Variants in LY86 observed in about 807,000 individuals in gnomAD.
The protein encoded by LY86 is lymphocyte antigen 86, also known as MD-1, RP105-associated.
Under a neutral mutation model 17.3 loss-of-function variants are expected in LY86, and 20 were observed. The ratio of observed to expected loss-of-function variants is 1.15; its 90% CI spans 0.81 to 1.68. The LOEUF (loss-of-function observed/expected upper bound fraction) is 1.68. Among genes scored for constraint, LY86 ranks in the 40% most tolerant of loss-of-function variants. The pLI is 0.00. For missense variants in LY86, 200 were observed against 191.9 expected, an observed-to-expected ratio of 1.04 and a Z score of -0.25; for synonymous variants, 74 against 70.6, an observed-to-expected ratio of 1.05 and a Z score of -0.24.
intron 1 of LY86, among the ~76,000 whole-genome samples, chr6:6,591,993 C>A (rs918437370): frequency 1.2e-4 from 18 of 152,176 alleles, no homozygotes; most frequent in Non-Finnish European, 2.4e-4. Flanking sequence ...GGGCTGCCTC[C>A]CTTTGGCCAG....
intron 3 of LY86, 136 bp from the exon 4 acceptor site, chr6:6,649,488 TG>T: frequency 8.4e-6 from 4 of 475,878 alleles, no homozygotes; most frequent in South Asian, 8.1e-5. Flanking sequence ...GATCAGGAAA[TG>T]AAAACATTTC....
chr6:6,644,512 C>CA lies in LY86; in HGVS notation c.353-5102dup, dbSNP rs879696346. ...TGGGTGACAGAGCCAGACCCTGTTT[C>CA]AAAAAAAAAAAGGAAGACACAGGCC... On this transcript the variant is annotated intron_variant, in intron 3 of 4. Coordinates refer to ENST00000230568, the MANE Select transcript of LY86 (RefSeq NM_004271.4). Among the ~76,000 whole-genome samples, 294 of 142,024 alleles carry CA rather than the reference C, an allele frequency of 2.1e-3. 1 individual carries two copies. Among genetic ancestry groups the CA allele is most frequent in the African/African-American group, 6.6e-3 (256 of 38,786 alleles). 93.2% of individuals were successfully genotyped at this position (142,024 alleles called of 152,430 possible). A position where few individuals can be genotyped will look rare whatever the true frequency, so the allele number is the denominator to read the frequency against.
At chr6:6,637,617 C>A (rs1028479604) in intron 3 of LY86, among the ~76,000 whole-genome samples, 1 of 152,186 alleles carries the variant, frequency 6.6e-6, no homozygotes, top group Admixed American at 6.5e-5. Context: ...ACGACTCCCC[C>A]ACATCACCCA....
chr6:6,637,125 G>C lies in LY86; in HGVS notation c.352+10704G>C, dbSNP rs185444425. Among the ~76,000 whole-genome samples the C allele has an allele frequency of 6.0e-3, 899 of 150,352 alleles. 5 individuals are homozygous for C. Among genetic ancestry groups the C allele is most frequent in the Non-Finnish European group, 0.01 (681 of 67,790 alleles). On this transcript the variant is annotated intron_variant, in intron 3 of 4. Coordinates refer to ENST00000230568, the MANE Select transcript of LY86 (RefSeq NM_004271.4). Reference sequence around the variant, plus strand: ...CCTCCCAGGTTCATGCCATTCTCCTGCCTTAGCCTCCCGAGGAGCTGGGAC... The same window carrying C: ...CCTCCCAGGTTCATGCCATTCTCCTCCCTTAGCCTCCCGAGGAGCTGGGAC...
chr6:6,605,654 T>TA (rs1210717525), intron 1 of LY86, among the ~76,000 whole-genome samples: 10 of 152,272 alleles, frequency 6.6e-5, no homozygotes, highest in Non-Finnish European at 1.2e-4. Context: ...TATGTTCTAC[T>TA]GTGTCTGGAA....
chr6:6,603,083 G>A (rs761264281), intron 1 of LY86, among the ~76,000 whole-genome samples: 3 of 151,766 alleles, frequency 2.0e-5, no homozygotes, highest in South Asian at 4.2e-4. Flanking sequence ...TGGTCCTCCC[G>A]ACTCTGTCCT....
intron 1 of LY86, among the ~76,000 whole-genome samples, chr6:6,612,442 C>T (rs531821157): frequency 1.9e-3 from 293 of 152,300 alleles, no homozygotes; most frequent in Middle Eastern, 3.4e-3. Context: ...CGCAAACCTT[C>T]ATGGGGAGTG....
At chr6:6,598,267 C>G (rs1760781443) in intron 1 of LY86, among the ~76,000 whole-genome samples, 1 of 152,134 alleles carries the variant, frequency 6.6e-6, no homozygotes, top group Admixed American at 6.5e-5. Flanking sequence ...AGACAAAGCA[C>G]AAATTATCAC....
intron 1 of LY86, among the ~76,000 whole-genome samples, chr6:6,613,767 A>G (rs1408111822): frequency 1.3e-5 from 2 of 152,210 alleles, no homozygotes; most frequent in Non-Finnish European, 2.9e-5. Flanking sequence ...AGGCCCCAAG[A>G]GCGAGCGAGG....
intron 4 of LY86, 131 bp downstream of exon 4, chr6:6,649,808 A>G (rs917578348): frequency 3.0e-6 from 2 of 662,408 alleles, no homozygotes; most frequent in Non-Finnish European, 5.2e-6. Context: ...AAACTTATCC[A>G]TAGGCCATCC....
chr6:6,626,695 A>G (rs1164749382), intron 3 of LY86, among the ~76,000 whole-genome samples: 1 of 152,180 alleles, frequency 6.6e-6, no homozygotes, highest in African/African-American at 2.4e-5. Flanking sequence ...AGCATCTTAT[A>G]AAAAAGGGCT....
At chr6:6,610,672 A>C (rs1761309575) in intron 1 of LY86, among the ~76,000 whole-genome samples, 1 of 152,084 alleles carries the variant, frequency 6.6e-6, no homozygotes, top group South Asian at 2.1e-4. Context: ...AAAGCGAGGG[A>C]GGGCTGGGGT....
intron 3 of LY86, among the ~76,000 whole-genome samples, chr6:6,628,073 TAA>T: frequency 6.6e-6 from 1 of 152,174 alleles, no homozygotes; most frequent in Admixed American, 6.5e-5. Flanking sequence ...CTTAAAATCA[TAA>T]GTCAGTTTTC....
intron 1 of LY86, among the ~76,000 whole-genome samples, chr6:6,598,702 C>T (rs879730025): frequency 6.6e-6 from 1 of 152,184 alleles, no homozygotes; most frequent in Non-Finnish European, 1.5e-5. Flanking sequence ...TTGTCCCACC[C>T]TTATTGTATA....
intron 1 of LY86, among the ~76,000 whole-genome samples, chr6:6,612,273 T>TA (rs981036864): frequency 7.5e-4 from 114 of 152,246 alleles, no homozygotes; most frequent in African/African-American, 2.6e-3. Flanking sequence ...AGATGTGTTC[T>TA]GAGTTTCTTT....
intron 1 of LY86, among the ~76,000 whole-genome samples, chr6:6,617,916 C>T (rs1253690286): frequency 6.6e-6 from 1 of 152,238 alleles, no homozygotes; most frequent in African/African-American, 2.4e-5. Flanking sequence ...TCTCGGCACA[C>T]TGCAACCTCC....
intron 1 of LY86, among the ~76,000 whole-genome samples, chr6:6,594,161 C>T (rs550025469): frequency 6.6e-6 from 1 of 152,272 alleles, no homozygotes; most frequent in South Asian, 2.1e-4. Flanking sequence ...TGACTTATGT[C>T]CCCCTTTGGT....
At chr6:6,606,688 T>C (rs1195655187) in intron 1 of LY86, among the ~76,000 whole-genome samples, 3 of 152,122 alleles carry the variant, frequency 2.0e-5, no homozygotes, top group Admixed American at 1.3e-4. Flanking sequence ...AGCCCCTCAC[T>C]ACCCGGGGCT....
At chr6:6,595,604 A>G (rs3811066) in intron 1 of LY86, among the ~76,000 whole-genome samples, 109,749 of 151,128 alleles carry the variant, frequency 0.73, 41,394 homozygotes, top group Middle Eastern at 0.83. Flanking sequence ...GGAACATACG[A>G]CCACCTCAGA....
Sources: gnomAD v4.1 joint callset for allele counts (sites outside exome capture counted in the v4.1 genomes callset) on GRCh38, gnomAD v4.1.1 for gene constraint, MANE v1.5 for transcripts, NCBI Gene and HGNC (gene_info 2026-07-23, HGNC 2026-07-21) for gene names.